Variants in EPHA6 observed in about 807,000 individuals in gnomAD.
EPHA6 encodes EPH receptor A6, also known as ephrin type-A receptor 6.
Under a neutral mutation model 112.0 loss-of-function variants are expected in EPHA6, and 50 were observed. The observed-to-expected ratio is 0.45, with a 90% CI of 0.36 to 0.56. The LOEUF is 0.56. Among genes scored for constraint, EPHA6 ranks in the 20% least tolerant of loss-of-function variants. The pLI is 0.00. For missense variants in EPHA6, 1,280 were observed against 1,417.4 expected (o/e 0.90, Z 1.56); for synonymous variants, 529 against 490.7 (o/e 1.08, Z -1.03).
chr3:96,963,311 A>G (rs1335772870), intron 2 of EPHA6, among the ~76,000 whole-genome samples: 1 of 152,176 alleles, frequency 6.6e-6, no homozygotes, highest in Non-Finnish European at 1.5e-5. Flanking sequence ...ATTTTCACAT[A>G]GAACACCAAT....
chr3:97,639,851 A>C (rs1443141362), intron 14 of EPHA6, among the ~76,000 whole-genome samples: 1 of 152,170 alleles, frequency 6.6e-6, no homozygotes, highest in Non-Finnish European at 1.5e-5. Flanking sequence ...GAATATTAAC[A>C]CTCTAAAAAC....
intron 12 of EPHA6, among the ~76,000 whole-genome samples, chr3:97,595,526 T>G (rs2093580930): frequency 4.6e-5 from 7 of 152,180 alleles, no homozygotes; most frequent in Admixed American, 3.9e-4. Context: ...GCACCTGTAA[T>G]CTCAGCTACT....
chr3:97,251,445 G>T (rs2079138173), intron 5 of EPHA6, among the ~76,000 whole-genome samples: 2 of 151,906 alleles, frequency 1.3e-5, no homozygotes, highest in Non-Finnish European at 2.9e-5. Context: ...CAGGAGAATG[G>T]CCTGAACCCA....
At chr3:97,226,593 C>T (rs912227461) in intron 4 of EPHA6, among the ~76,000 whole-genome samples, 174 bp downstream of exon 4, 1 of 152,178 alleles carries the variant, frequency 6.6e-6, no homozygotes, top group Non-Finnish European at 1.5e-5. Context: ...CTTTTCAACT[C>T]TTTGTAAAGA....
chr3:96,857,919 G>A (rs2035790457), intron 1 of EPHA6, among the ~76,000 whole-genome samples: 1 of 152,134 alleles, frequency 6.6e-6, no homozygotes. Context: ...TTGTGAGCAG[G>A]TGACTGTGAA....
At position 97,759,347 on chromosome 3, in the gene EPHA6, G is replaced by A. The variant is rs963989901; in HGVS notation, c.*10646G>A. Among the ~76,000 whole-genome samples the A allele has an allele frequency of 6.6e-6, 1 of 151,938 alleles. No individual in the cohort carries two copies. The highest frequency in any genetic ancestry group is 6.6e-5 in the Admixed American group (1 of 15,242). Reference sequence around the variant, plus strand: ...TTAAGGCGAGATGTAAAGGAAGGAGGTGAAATCACTATCTATAAACAACTC... The same window carrying A: ...TTAAGGCGAGATGTAAAGGAAGGAGATGAAATCACTATCTATAAACAACTC... On this transcript the variant is annotated 3_prime_UTR_variant, in exon 18 of 18. Coordinates refer to ENST00000389672, the MANE Select transcript of EPHA6 (RefSeq NM_001080448.3).
intron 2 of EPHA6, among the ~76,000 whole-genome samples, chr3:96,912,246 C>T (rs187371958): frequency 1.3e-5 from 2 of 151,934 alleles, no homozygotes; most frequent in Non-Finnish European, 2.9e-5. Context: ...TAAATGTGGT[C>T]GAATTTCAGT....
chr3:97,201,852 G>A (rs1338460602), intron 3 of EPHA6, among the ~76,000 whole-genome samples: 1 of 152,028 alleles, frequency 6.6e-6, no homozygotes, highest in Non-Finnish European at 1.5e-5. Context: ...GCCCAGTGAA[G>A]ACGTAAATTC....
At chr3:97,632,692 T>C (rs191144106) in intron 13 of EPHA6, among the ~76,000 whole-genome samples, 3 of 152,024 alleles carry the variant, frequency 2.0e-5, no homozygotes, top group East Asian at 1.9e-4. Context: ...GCAAAACACA[T>C]TAGATATAAA....
chr3:97,119,947 CAT>C (rs780774099), intron 3 of EPHA6, among the ~76,000 whole-genome samples: 1 of 151,932 alleles, frequency 6.6e-6, no homozygotes, highest in Non-Finnish European at 1.5e-5. Flanking sequence ...TGCTGAGACT[CAT>C]TTGCTGAATT....
At chr3:97,193,089 T>C (rs1033330147) in intron 3 of EPHA6, among the ~76,000 whole-genome samples, 1 of 152,156 alleles carries the variant, frequency 6.6e-6, no homozygotes, top group East Asian at 1.9e-4. Context: ...TCCAGTTTTA[T>C]TCTTTTTGCT....
chr3:97,743,542 T>C (rs550510094), intron 16 of EPHA6, among the ~76,000 whole-genome samples: 4 of 152,174 alleles, frequency 2.6e-5, no homozygotes, highest in Admixed American at 2.6e-4. Flanking sequence ...TTATTAAGCA[T>C]CCACATATAG....
At chr3:97,276,098 G>C (rs968041220) in intron 5 of EPHA6, among the ~76,000 whole-genome samples, 1 of 152,112 alleles carries the variant, frequency 6.6e-6, no homozygotes, top group Non-Finnish European at 1.5e-5. Flanking sequence ...AGGGAAACAG[G>C]CCCTTGAAAA....
intron 2 of EPHA6, among the ~76,000 whole-genome samples, chr3:96,923,252 C>A: frequency 6.6e-6 from 1 of 152,184 alleles, no homozygotes; most frequent in East Asian, 1.9e-4. Flanking sequence ...TTTACACTCC[C>A]ACCAACAATG....
chr3:97,416,202 A>G (rs1351412573), intron 6 of EPHA6, among the ~76,000 whole-genome samples: 2 of 152,058 alleles, frequency 1.3e-5, no homozygotes, highest in South Asian at 2.1e-4. Context: ...AAATACCCCT[A>G]TGTTCCAGCT....
chr3:97,638,695 T>A (rs193013697), intron 14 of EPHA6, among the ~76,000 whole-genome samples: 20 of 152,264 alleles, frequency 1.3e-4, no homozygotes, highest in Admixed American at 2.6e-4. Context: ...TATTTCTGAC[T>A]GTCCTAAACC....
intron 5 of EPHA6, among the ~76,000 whole-genome samples, chr3:97,278,597 T>A (rs911513933): frequency 1.3e-5 from 2 of 152,128 alleles, no homozygotes; most frequent in Non-Finnish European, 2.9e-5. Context: ...GCAAAGATCA[T>A]CACTATTTCA....
intron 2 of EPHA6, among the ~76,000 whole-genome samples, chr3:96,888,689 A>C (rs560919129): frequency 6.6e-6 from 1 of 152,174 alleles, no homozygotes; most frequent in South Asian, 2.1e-4. Flanking sequence ...CCAGGAAACC[A>C]CTTTTTCTTT....
intron 14 of EPHA6, among the ~76,000 whole-genome samples, chr3:97,679,616 T>C (rs180861015): frequency 1.3e-5 from 2 of 152,322 alleles, no homozygotes; most frequent in East Asian, 3.9e-4. Context: ...TGTTTTTAAA[T>C]ACACCTAAGA....
Sources: gnomAD v4.1 joint callset for allele counts (sites outside exome capture counted in the v4.1 genomes callset) on GRCh38, gnomAD v4.1.1 for gene constraint, MANE v1.5 for transcripts, NCBI Gene and HGNC (gene_info 2026-07-23, HGNC 2026-07-21) for gene names.